DSCAM: variants seen among roughly 807,000 people sequenced by gnomAD.
The protein encoded by DSCAM is DS cell adhesion molecule.
A neutral mutation model predicts 217.7 loss-of-function variants in DSCAM; 47 were observed. That is an observed-to-expected ratio of 0.22 (90% confidence interval 0.17 to 0.28). The LOEUF (loss-of-function observed/expected upper bound fraction) is 0.28, where lower values mean the gene tolerates loss of function less well. Among genes scored for constraint, DSCAM ranks in the 10% least tolerant of loss-of-function variants. DSCAM has a pLI of 1.00. For missense variants in DSCAM, 2,080 were observed against 2,618.3 expected (o/e 0.79, Z 4.49); for synonymous variants, 1,056 against 1,015.3 (o/e 1.04, Z -0.76).
chr21:40,127,926 G>C (rs1402274114), intron 19 of DSCAM, among the ~76,000 whole-genome samples: 1 of 151,994 alleles, frequency 6.6e-6, no homozygotes, highest in African/African-American at 2.4e-5. Context: ...GGGATGCCAT[G>C]ATCCAGGGCC....
chr21:40,243,317 G>C (rs1267573495), intron 11 of DSCAM, among the ~76,000 whole-genome samples: 1 of 152,214 alleles, frequency 6.6e-6, no homozygotes, highest in Non-Finnish European at 1.5e-5. Context: ...GGAGGGGATG[G>C]ATTGAGCATT....
intron 3 of DSCAM, among the ~76,000 whole-genome samples, chr21:40,400,911 TA>T (rs1317293289): frequency 1.3e-5 from 2 of 152,354 alleles, no homozygotes; most frequent in Admixed American, 1.3e-4. Flanking sequence ...TATATAACAC[TA>T]AAAAATCATA....
chr21:40,110,506 T>A (rs1332123632), intron 20 of DSCAM, among the ~76,000 whole-genome samples: 1 of 152,162 alleles, frequency 6.6e-6, no homozygotes, highest in East Asian at 1.9e-4. Context: ...AAAATCAGAA[T>A]GCCTCTCCTC....
chr21:40,539,802 AT>A (rs1268332318), intron 3 of DSCAM, among the ~76,000 whole-genome samples: 1 of 152,226 alleles, frequency 6.6e-6, no homozygotes, highest in Non-Finnish European at 1.5e-5. Context: ...CTTCATTAAG[AT>A]GAAAGCATAG....
At chr21:40,022,028 G>C (rs1156559608) in intron 32 of DSCAM, among the ~76,000 whole-genome samples, 1 of 152,208 alleles carries the variant, frequency 6.6e-6, no homozygotes, top group Admixed American at 6.5e-5. Flanking sequence ...TTGGAAGAAG[G>C]ATGGCAAAAT....
intron 4 of DSCAM, among the ~76,000 whole-genome samples, chr21:40,358,668 G>C (rs962769997): frequency 7.9e-5 from 12 of 151,922 alleles, no homozygotes; most frequent in African/African-American, 2.9e-4. Context: ...TTAGCCAGGT[G>C]TGGTGGCATG....
chr21:40,764,805 A>G (rs1478491502), intron 1 of DSCAM, among the ~76,000 whole-genome samples: 2 of 152,172 alleles, frequency 1.3e-5, no homozygotes, highest in East Asian at 3.9e-4. Flanking sequence ...TTGCAAGGTC[A>G]TGGATGAAGC....
In DSCAM at chr21:40,276,090, C is replaced by T. The variant is rs764769387; in HGVS notation, c.2356+7G>A. ...CTAGGTAAAACGAAGCATTTCTTCT[C>T]TCTTACTTTTAACCGTGAGGTACAT... On this transcript the variant is annotated splice_region_variant and intron_variant, in intron 11 of 32. Transcript: ENST00000400454. 7.1e-6 allele frequency: 11 copies of T among 1,556,040 alleles called. No homozygotes were observed. The South Asian group carries it at 1.3e-4, about 19-fold the overall frequency.
intron 1 of DSCAM, among the ~76,000 whole-genome samples, chr21:40,757,812 A>T (rs1187287080): frequency 9.9e-5 from 15 of 152,264 alleles, no homozygotes; most frequent in African/African-American, 3.4e-4. Flanking sequence ...TCTCGATTGA[A>T]TCCTCCCTAT....
intron 3 of DSCAM, among the ~76,000 whole-genome samples, chr21:40,514,565 G>A (rs1245993951): frequency 6.6e-6 from 1 of 152,114 alleles, no homozygotes; most frequent in Non-Finnish European, 1.5e-5. Flanking sequence ...GACTATTCAC[G>A]TTGCACCAGT....
chr21:40,073,401 G>T (rs1365031207), intron 27 of DSCAM, among the ~76,000 whole-genome samples: 1 of 152,172 alleles, frequency 6.6e-6, no homozygotes, highest in East Asian at 1.9e-4. Flanking sequence ...AGACATAGTT[G>T]TCTAATGGTA....
intron 1 of DSCAM, among the ~76,000 whole-genome samples, chr21:40,760,368 T>G (rs574227079): frequency 6.6e-6 from 1 of 152,222 alleles, no homozygotes; most frequent in East Asian, 1.9e-4. Flanking sequence ...GCTTCAAATA[T>G]TTCAGAATTC....
intron 3 of DSCAM, among the ~76,000 whole-genome samples, chr21:40,550,061 T>C (rs2076617044): frequency 6.6e-6 from 1 of 152,200 alleles, no homozygotes; most frequent in East Asian, 1.9e-4. Flanking sequence ...CCTACCAAAA[T>C]ACTAGTCCTA....
intron 10 of DSCAM, among the ~76,000 whole-genome samples, chr21:40,292,185 CTTTTTTTTT>C (rs11431306): frequency 9.1e-6 from 1 of 110,250 alleles, no homozygotes; most frequent in Non-Finnish European, 1.8e-5. Context: ...AATGTAATGA[CTTTTTTTTT>C]TTTTTTTTTT....
chr21:40,216,345 C>T (rs1489121916), intron 11 of DSCAM, among the ~76,000 whole-genome samples: 1 of 151,876 alleles, frequency 6.6e-6, no homozygotes, highest in Admixed American at 6.6e-5. Flanking sequence ...AACTTATGGC[C>T]TCAAGTGATC....
At chr21:40,396,113 A>G (rs1471774470) in intron 3 of DSCAM, among the ~76,000 whole-genome samples, 5 of 152,202 alleles carry the variant, frequency 3.3e-5, no homozygotes, top group Non-Finnish European at 7.3e-5. Flanking sequence ...GACATTTACC[A>G]TTTTATATTT....
chr21:40,607,007 T>A (rs2089247963), intron 3 of DSCAM, among the ~76,000 whole-genome samples: 1 of 152,220 alleles, frequency 6.6e-6, no homozygotes, highest in Non-Finnish European at 1.5e-5. Context: ...TTGTGAGGCC[T>A]TGCCAGCCAC....
At chr21:40,298,197 C>T (rs963733282) in intron 9 of DSCAM, among the ~76,000 whole-genome samples, 2 of 151,320 alleles carry the variant, frequency 1.3e-5, no homozygotes, top group African/African-American at 4.9e-5. Context: ...TTCTCTGCCT[C>T]AGCCTCCTGA....
intron 3 of DSCAM, among the ~76,000 whole-genome samples, chr21:40,680,637 G>A (rs958871044): frequency 1.3e-5 from 2 of 152,220 alleles, no homozygotes; most frequent in African/African-American, 2.4e-5. Context: ...AGTGTGTGCT[G>A]TGGATTTTCT....
Sources: allele counts gnomAD v4.1 joint callset (sites outside exome capture counted in the v4.1 genomes callset), GRCh38; gene constraint gnomAD v4.1.1; transcripts MANE v1.5; gene names NCBI Gene and HGNC (gene_info 2026-07-23, HGNC 2026-07-21).